The following FNIP2 variants were observed in gnomAD, a reference collection of about 807,000 sequenced individuals.
The protein encoded by FNIP2 is folliculin interacting protein 2.
FNIP2 carries 32 observed loss-of-function variants against 108.7 expected under a neutral mutation model. The observed-to-expected ratio is 0.29, with a 90% CI of 0.22 to 0.40. FNIP2 has a LOEUF of 0.40. Ranked by LOEUF, FNIP2 falls within the 10% of genes least tolerant of loss-of-function variation. FNIP2 has a pLI of 1.00. For synonymous variants in FNIP2, 480 were observed against 496.7 expected, an observed-to-expected ratio of 0.97 and a Z score of 0.45; for missense variants, 1,202 against 1,381.6, an observed-to-expected ratio of 0.87 and a Z score of 2.06.
At chr4:158,814,346 G>C (rs145058430) in intron 1 of FNIP2, among the ~76,000 whole-genome samples, 174 of 152,336 alleles carry the variant, frequency 1.1e-3, no homozygotes, top group African/African-American at 4.0e-3. Context: ...CCTAACTTCC[G>C]TGTAAAACGT....
At chr4:158,789,181 T>C (rs1776320652) in intron 1 of FNIP2, among the ~76,000 whole-genome samples, 1 of 152,200 alleles carries the variant, frequency 6.6e-6, no homozygotes, top group Non-Finnish European at 1.5e-5. Context: ...AGCGAATAAG[T>C]GCTGTAGAAT....
chr4:158,855,358 G>A lies in FNIP2; in HGVS notation c.858-3699G>A, dbSNP rs926127672. On this transcript the variant is annotated intron_variant, in intron 8 of 16. Coordinates refer to ENST00000264433, the MANE Select transcript of FNIP2 (RefSeq NM_020840.3). ...GGGGGGACGCTGTGCGTGTGGGGTC[G>A]CATGCCCATGCAGCCAGCCCTTAAT... Among the ~76,000 whole-genome samples, 9 of 152,172 alleles carry A rather than the reference G, an allele frequency of 5.9e-5. No homozygotes were observed. In the South Asian group the frequency reaches 6.2e-4, roughly 11 times the overall value.
chr4:158,904,251 C>T (rs1370231773), intron 16 of FNIP2, among the ~76,000 whole-genome samples: 2 of 152,262 alleles, frequency 1.3e-5, no homozygotes, highest in Admixed American at 6.5e-5. Context: ...TCCTGTATTT[C>T]TCTCCCTTTG....
intron 8 of FNIP2, among the ~76,000 whole-genome samples, chr4:158,855,646 C>A (rs1779942827): frequency 6.6e-6 from 1 of 152,034 alleles, no homozygotes; most frequent in African/African-American, 2.4e-5. Flanking sequence ...CGGAGTTTCA[C>A]CATGTTGGCC....
intron 1 of FNIP2, among the ~76,000 whole-genome samples, chr4:158,793,710 G>C (rs940801968): frequency 1.3e-5 from 2 of 152,114 alleles, no homozygotes; most frequent in Non-Finnish European, 2.9e-5. Context: ...TGTTTGCATG[G>C]GGGTTGTGGA....
chr4:158,854,618 A>G (rs1278335645), intron 8 of FNIP2, among the ~76,000 whole-genome samples: 1 of 152,236 alleles, frequency 6.6e-6, no homozygotes, highest in Non-Finnish European at 1.5e-5. Context: ...TATTTAGTCA[A>G]AGTTTCACAT....
At chr4:158,891,181 A>G (rs539976501) in intron 14 of FNIP2, among the ~76,000 whole-genome samples, 6 of 151,504 alleles carry the variant, frequency 4.0e-5, no homozygotes, top group African/African-American at 1.5e-4. Flanking sequence ...GGCTCTCTCT[A>G]TCCTCCCCCT....
At chr4:158,771,552 C>T (rs1775699501) in intron 1 of FNIP2, among the ~76,000 whole-genome samples, 2 of 152,270 alleles carry the variant, frequency 1.3e-5, no homozygotes, top group Middle Eastern at 3.4e-3. Context: ...TTGGGAACTA[C>T]CTTGTAGTTA....
intron 1 of FNIP2, among the ~76,000 whole-genome samples, chr4:158,797,611 G>A (rs1776629951): frequency 1.3e-5 from 2 of 152,138 alleles, no homozygotes; most frequent in African/African-American, 4.8e-5. Context: ...GAGGTGGGAG[G>A]ATTGTTCGAG....
At chr4:158,806,144 G>A in intron 1 of FNIP2, 1 of 1,219,322 alleles carries the variant, frequency 8.2e-7, no homozygotes, top group Non-Finnish European at 1.0e-6. Context: ...AGAACTGCTG[G>A]TCATTACAGA....
At chr4:158,874,974 C>CT (rs1781178007) in intron 14 of FNIP2, among the ~76,000 whole-genome samples, 1 of 150,378 alleles carries the variant, frequency 6.6e-6, no homozygotes, top group Non-Finnish European at 1.5e-5. Context: ...GTAGTCCCAG[C>CT]TACTTGGGAG....
intron 1 of FNIP2, among the ~76,000 whole-genome samples, chr4:158,801,083 A>G (rs889600781): frequency 6.6e-5 from 10 of 152,086 alleles, no homozygotes; most frequent in African/African-American, 2.4e-4. Flanking sequence ...ATTGGTTTGT[A>G]TTATATATTT....
intron 14 of FNIP2, chr4:158,890,038 G>A: frequency 1.0e-6 from 1 of 985,408 alleles, no homozygotes; most frequent in African/African-American, 1.7e-5. Flanking sequence ...GGGTCATTAT[G>A]TGTGTAAGAA....
chr4:158,904,211 C>T lies in FNIP2; in HGVS notation c.3267-255C>T, dbSNP rs187129045. ...GTGACCCCTGCCAAGGGAAAAAGAG[C>T]TTTATGTCCACACACAGGCACAACA... On this transcript the variant is annotated intron_variant, in intron 16 of 16. Transcript: ENST00000264433. Among the ~76,000 whole-genome samples the T allele has an allele frequency of 7.2e-5, 11 of 152,258 alleles. No individual in the cohort carries two copies. In the East Asian group the frequency reaches 2.1e-3, roughly 29 times the overall value.
rs573662000 is a variant in FNIP2 at position 158,843,698 on chromosome 4, T to G, written c.728-7623T>G. 1.2e-4 allele frequency among the ~76,000 whole-genome samples: 18 copies of G among 152,244 alleles called. No homozygotes were observed. In the East Asian group the frequency reaches 3.1e-3, roughly 26 times the overall value. Reference sequence around the variant, plus strand: ...TAGGTACGGGAAGGGCTAGGGCTAGTGCAAAGATGTATCGTGGGGATGGGA... The same window carrying G: ...TAGGTACGGGAAGGGCTAGGGCTAGGGCAAAGATGTATCGTGGGGATGGGA... On this transcript the variant is annotated intron_variant, in intron 7 of 16. Coordinates refer to ENST00000264433, the MANE Select transcript of FNIP2 (RefSeq NM_020840.3).
chr4:158,839,271 A>G (rs1778983848), intron 7 of FNIP2, among the ~76,000 whole-genome samples: 1 of 152,160 alleles, frequency 6.6e-6, no homozygotes, highest in Non-Finnish European at 1.5e-5. Flanking sequence ...CTCTTCTCCC[A>G]TTTATTTGTT....
At position 158,861,322 on chromosome 4, in the gene FNIP2, C is replaced by T. The variant is rs1291957486; in HGVS notation, c.1149-20C>T. ...AGTATTTCTGACACTTTTGTGTTTC[C>T]CTCTCTTTCTGTTCTATAGAGGAAC... On this transcript the variant is annotated intron_variant, in intron 10 of 16. Coordinates refer to ENST00000264433, the MANE Select transcript of FNIP2 (RefSeq NM_020840.3). 1 of 1,595,328 alleles carries T rather than the reference C, an allele frequency of 6.3e-7. No individual in the cohort carries two copies. The highest frequency in any genetic ancestry group is 2.2e-5 in the East Asian group (1 of 44,744).
chr4:158,855,126 C>T (rs1399206387), intron 8 of FNIP2, among the ~76,000 whole-genome samples: 1 of 152,086 alleles, frequency 6.6e-6, no homozygotes, highest in African/African-American at 2.4e-5. Context: ...GAGCCCCTGT[C>T]CTTCAGTTCA....
At chr4:158,882,931 T>C (rs1781770819) in intron 14 of FNIP2, among the ~76,000 whole-genome samples, 1 of 151,642 alleles carries the variant, frequency 6.6e-6, no homozygotes, top group Non-Finnish European at 1.5e-5. Flanking sequence ...TGACCTTCCC[T>C]CCACTATTGT....
Sources: allele counts gnomAD v4.1 joint callset (sites outside exome capture counted in the v4.1 genomes callset), GRCh38; gene constraint gnomAD v4.1.1; transcripts MANE v1.5; gene names NCBI Gene and HGNC (gene_info 2026-07-23, HGNC 2026-07-21).